The following SCRN3 variants were observed in gnomAD, a reference collection of about 807,000 sequenced individuals.
SCRN3 encodes the protein secernin-3.
SCRN3 carries 39 observed loss-of-function variants against 43.1 expected under a neutral mutation model. That is an observed-to-expected ratio of 0.91 (90% CI 0.70 to 1.18). SCRN3 has a LOEUF of 1.18. SCRN3 is among the 50% of genes most tolerant of loss of function. The probability of loss-of-function intolerance (pLI) is 0.00; values close to 1 mark genes in which losing one functional copy is unlikely to be tolerated. For missense variants in SCRN3, 484 were observed against 498.0 expected, an observed-to-expected ratio of 0.97 and a Z score of 0.27; for synonymous variants, 147 against 163.1, an observed-to-expected ratio of 0.90 and a Z score of 0.75.
chr2:174,416,852 G>A (rs1686128960), intron 5 of SCRN3, among the ~76,000 whole-genome samples: 1 of 152,016 alleles, frequency 6.6e-6, no homozygotes, highest in Non-Finnish European at 1.5e-5. Flanking sequence ...GTTGTTTGGT[G>A]CTAATACAGC....
chr2:174,396,022 G>A, intron 1 of SCRN3: 1 of 1,326,050 alleles, frequency 7.5e-7, no homozygotes, highest in Non-Finnish European at 9.6e-7. Context: ...ACTTTCTGTG[G>A]ACTCTGACTC....
intron 1 of SCRN3, chr2:174,397,151 A>G (rs946830496): frequency 1.0e-6 from 1 of 979,334 alleles, no homozygotes; most frequent in Non-Finnish European, 1.2e-6. Flanking sequence ...AGAAGAGGAA[A>G]ACCCTTAAGA....
chr2:174,412,086 G>A (rs13007958), intron 5 of SCRN3, among the ~76,000 whole-genome samples: 2 of 151,764 alleles, frequency 1.3e-5, no homozygotes, highest in South Asian at 2.1e-4. Context: ...AACAGCTTTC[G>A]GAGGAGTCTT....
chr2:174,421,212 A>G (rs971943116), intron 5 of SCRN3, among the ~76,000 whole-genome samples: 3 of 152,228 alleles, frequency 2.0e-5, no homozygotes, highest in Non-Finnish European at 2.9e-5. Flanking sequence ...AGAATTGTAT[A>G]TCTAGTGAAA....
At chr2:174,395,849 T>C (rs1216761322) in intron 1 of SCRN3, 32 bp downstream of exon 1, 3 of 1,466,670 alleles carry the variant, frequency 2.0e-6, no homozygotes, top group East Asian at 2.5e-5. Context: ...GGGGCGTGCA[T>C]AGTTGAGACA....
chr2:174,397,228 ATTTTGT>A (rs1685354273), intron 1 of SCRN3: 1 of 970,920 alleles, frequency 1.0e-6, no homozygotes, highest in Non-Finnish European at 1.2e-6. Context: ...TTATATTTAA[ATTTTGT>A]TTTTAAGTTG....
intron 5 of SCRN3, among the ~76,000 whole-genome samples, chr2:174,406,121 T>A (rs986208468): frequency 7.2e-6 from 1 of 138,602 alleles, no homozygotes; most frequent in Non-Finnish European, 1.6e-5. Flanking sequence ...GTTTGTATCC[T>A]CTTTTATTTC....
chr2:174,412,122 G>A (rs1365390910), intron 5 of SCRN3, among the ~76,000 whole-genome samples: 1 of 142,736 alleles, frequency 7.0e-6, no homozygotes, highest in South Asian at 2.2e-4. Context: ...CAGTTAGCAG[G>A]GCAAAAAAAA....
chr2:174,410,262 A>G (rs2105590501), intron 5 of SCRN3: 1 of 150,266 alleles, frequency 6.7e-6, no homozygotes, highest in South Asian at 2.1e-4. Flanking sequence ...TCGGAAAGGG[A>G]ACTCCCTGAC....
In SCRN3 at chr2:174,404,085, C is replaced by G. The variant is rs1264157248; in HGVS notation, c.542-18C>G. On this transcript the variant is annotated intron_variant, in intron 4 of 7. Coordinates refer to ENST00000272732, the MANE Select transcript of SCRN3 (RefSeq NM_024583.5). ...TATGACTTTTCTTCTCCTTTCTCCT[C>G]TTCTTCTTTGAAAATAGAGGGAGTT... is the stretch of plus-strand genomic sequence containing the variant. 3.5e-5 allele frequency: 55 copies of G among 1,593,722 alleles called. No individual in the cohort carries two copies. Among genetic ancestry groups the G allele is most frequent in the Non-Finnish European group, 4.6e-5 (54 of 1,162,220 alleles).
chr2:174,410,415 T>A (rs1685876061), intron 5 of SCRN3: 1 of 153,420 alleles, frequency 6.5e-6, no homozygotes, highest in Non-Finnish European at 1.4e-5. Context: ...AAATCACCCC[T>A]CTTCTGCGTC....
chr2:174,398,141 T>A lies in SCRN3; in HGVS notation c.-9-134T>A, dbSNP rs373614546. On this transcript the variant is annotated intron_variant, in intron 1 of 7. Coordinates refer to ENST00000272732, the MANE Select transcript of SCRN3 (RefSeq NM_024583.5). Reference sequence around the variant, plus strand: ...AGACCTTGTCTCCAAAAAATAAAAATAAAAAAATCAAAGCTTTAATGAACA... The same window carrying A: ...AGACCTTGTCTCCAAAAAATAAAAAAAAAAAAATCAAAGCTTTAATGAACA... The A allele has an allele frequency of 2.5e-5, 14 of 556,564 alleles. No homozygotes were observed. In the African/African-American group the frequency reaches 2.6e-4, roughly 10 times the overall value. 34.5% of individuals were successfully genotyped at this position (556,564 alleles called of 1,614,324 possible). A position where few individuals can be genotyped will look rare whatever the true frequency, so the allele number is the denominator to read the frequency against.
chr2:174,407,110 A>G, intron 5 of SCRN3, among the ~76,000 whole-genome samples: 1 of 49,310 alleles, frequency 2.0e-5, no homozygotes, highest in Non-Finnish European at 4.4e-5. Flanking sequence ...TGGTTGGTAA[A>G]CTATTGATTA....
At chr2:174,409,433 T>G (rs1205489353) in intron 5 of SCRN3, among the ~76,000 whole-genome samples, 7 of 147,550 alleles carry the variant, frequency 4.7e-5, no homozygotes, top group Admixed American at 3.4e-4. Flanking sequence ...AGTAATTTGA[T>G]CGTCTGAAGC....
intron 1 of SCRN3, among the ~76,000 whole-genome samples, chr2:174,397,758 A>G (rs1170604939): frequency 3.9e-5 from 6 of 152,220 alleles, no homozygotes; most frequent in African/African-American, 7.2e-5. Flanking sequence ...CCTTTACAAC[A>G]ATAGAGCTAG....
chr2:174,400,746 G>C (rs1009159784), intron 3 of SCRN3, among the ~76,000 whole-genome samples: 14 of 152,186 alleles, frequency 9.2e-5, no homozygotes, highest in African/African-American at 1.9e-4. Flanking sequence ...CTGAGGTTCA[G>C]AGATAAAGTA....
In SCRN3 at chr2:174,408,342, G is replaced by T. The variant is rs1290801058; in HGVS notation, c.754+4027G>T. 1.5e-5 allele frequency among the ~76,000 whole-genome samples: 2 copies of T among 131,834 alleles called. 1 individual carries two copies. The highest frequency in any genetic ancestry group is 3.4e-5 in the Non-Finnish European group (2 of 58,368). The allele number at this position is 131,834 out of a possible 152,430, so 86.5% of individuals were successfully genotyped here. ...ATCTTCCTCCATCCTTTTATTTTGAGCCTATGTGTGTCTCTGCACGTGAGA... is the reference window on the plus strand; with the variant it reads ...ATCTTCCTCCATCCTTTTATTTTGATCCTATGTGTGTCTCTGCACGTGAGA... On this transcript the variant is annotated intron_variant, in intron 5 of 7. Coordinates refer to ENST00000272732, the MANE Select transcript of SCRN3 (RefSeq NM_024583.5).
chr2:174,412,958 C>T (rs1003141616), intron 5 of SCRN3, among the ~76,000 whole-genome samples: 3 of 149,824 alleles, frequency 2.0e-5, no homozygotes, highest in African/African-American at 7.3e-5. Flanking sequence ...ACCTCTGCCT[C>T]CCCGGGTTCA....
At chr2:174,427,575 G>A in intron 7 of SCRN3, 138 bp from the exon 8 acceptor site, 1 of 446,888 alleles carries the variant, frequency 2.2e-6, no homozygotes, top group Non-Finnish European at 4.0e-6. Context: ...CATTCTTTCT[G>A]TCTCTAAAGA....
Sources: allele counts gnomAD v4.1 joint callset (sites outside exome capture counted in the v4.1 genomes callset), GRCh38; gene constraint gnomAD v4.1.1; transcripts MANE v1.5; gene names NCBI Gene and HGNC (gene_info 2026-07-23, HGNC 2026-07-21).